Variants in DPP10 observed in about 807,000 individuals in gnomAD.
The protein encoded by DPP10 is inactive dipeptidyl peptidase 10.
DPP10 carries 33 observed loss-of-function variants against 120.9 expected under a neutral mutation model. The observed-to-expected ratio is 0.27, with a 90% CI of 0.21 to 0.37. The LOEUF (loss-of-function observed/expected upper bound fraction) is 0.37, where lower values mean the gene tolerates loss of function less well. Ranked by LOEUF, DPP10 falls within the 10% of genes least tolerant of loss-of-function variation. DPP10 has a pLI of 1.00. For synonymous variants in DPP10, 337 were observed against 326.1 expected (o/e 1.03, Z -0.36); for missense variants, 816 against 942.8 (o/e 0.87, Z 1.76).
chr2:115,412,443 A>C (rs943751504), intron 3 of DPP10, among the ~76,000 whole-genome samples: 2 of 152,248 alleles, frequency 1.3e-5, no homozygotes, highest in African/African-American at 2.4e-5. Context: ...GCAGATATTG[A>C]AGAACAAAAA....
intron 1 of DPP10, among the ~76,000 whole-genome samples, chr2:114,772,775 T>C (rs1681386567): frequency 6.6e-6 from 1 of 152,108 alleles, no homozygotes. Flanking sequence ...TTGTTTCCTT[T>C]CATGATTTTT....
intron 1 of DPP10, among the ~76,000 whole-genome samples, chr2:114,650,223 G>A (rs1402672125): frequency 6.6e-6 from 1 of 152,136 alleles, no homozygotes; most frequent in Non-Finnish European, 1.5e-5. Context: ...GTGAGAACAA[G>A]AAAGGTGGTT....
At chr2:114,642,574 G>A (rs1288166257) in intron 1 of DPP10, among the ~76,000 whole-genome samples, 1 of 151,922 alleles carries the variant, frequency 6.6e-6, no homozygotes, top group African/African-American at 2.4e-5. Context: ...GCTGCTGTAT[G>A]TGCCCCCAGG....
intron 3 of DPP10, among the ~76,000 whole-genome samples, chr2:115,493,800 C>A (rs1021863125): frequency 2.4e-4 from 37 of 152,152 alleles, no homozygotes; most frequent in African/African-American, 8.4e-4. Flanking sequence ...GCAAGGACTG[C>A]AGCTGTACTG....
intron 5 of DPP10, among the ~76,000 whole-genome samples, chr2:115,615,032 T>G (rs532287906): frequency 6.6e-6 from 1 of 152,320 alleles, no homozygotes; most frequent in Non-Finnish European, 1.5e-5. Context: ...AGAGAATCCC[T>G]TTAAAATGAT....
rs543956210 is a variant in DPP10 at position 114,862,280 on chromosome 2, A to T, written c.60+419442A>T. ...ACATACAACTGTCCAAGTGGAAAAA[A>T]AAAAATAAAAAAGGACTGAGCACTC... On this transcript the variant is annotated intron_variant, in intron 1 of 25. Transcript: ENST00000410059. Among the ~76,000 whole-genome samples, 26 of 152,318 alleles carry T rather than the reference A, an allele frequency of 1.7e-4. 2 individuals carry two copies. Among genetic ancestry groups the T allele is most frequent in the African/African-American group, 5.3e-4 (22 of 41,564 alleles).
At chr2:115,048,248 A>G (rs1174496726) in intron 1 of DPP10, among the ~76,000 whole-genome samples, 2 of 151,966 alleles carry the variant, frequency 1.3e-5, no homozygotes, top group African/African-American at 4.8e-5. Context: ...TAGCTCCAGC[A>G]TGCCTACCAG....
intron 1 of DPP10, among the ~76,000 whole-genome samples, chr2:114,789,764 A>G (rs1683086867): frequency 6.6e-6 from 1 of 152,360 alleles, no homozygotes; most frequent in Admixed American, 6.5e-5. Flanking sequence ...GGGAAGTTAA[A>G]TAATGACCCA....
intron 1 of DPP10, among the ~76,000 whole-genome samples, chr2:114,596,542 T>A (rs1386423094): frequency 6.6e-6 from 1 of 152,092 alleles, no homozygotes; most frequent in Admixed American, 6.6e-5. Flanking sequence ...CATGAGTATA[T>A]AATGCATCAT....
intron 1 of DPP10, among the ~76,000 whole-genome samples, chr2:115,169,779 A>C (rs913234128): frequency 6.6e-6 from 1 of 152,208 alleles, no homozygotes; most frequent in African/African-American, 2.4e-5. Flanking sequence ...GCTATGTATT[A>C]TCTAACTTTA....
At chr2:115,235,879 T>C (rs889098689) in intron 1 of DPP10, among the ~76,000 whole-genome samples, 6 of 152,166 alleles carry the variant, frequency 3.9e-5, no homozygotes, top group Admixed American at 6.5e-5. Context: ...TTCTTACAGC[T>C]ATTGCCTCAA....
intron 1 of DPP10, among the ~76,000 whole-genome samples, chr2:114,785,421 A>T (rs946416869): frequency 2.0e-5 from 3 of 151,990 alleles, no homozygotes; most frequent in Non-Finnish European, 2.9e-5. Flanking sequence ...GGAGGCTGAC[A>T]CCTAACTGGA....
chr2:114,808,926 T>C (rs1684962228), intron 1 of DPP10, among the ~76,000 whole-genome samples: 1 of 152,202 alleles, frequency 6.6e-6, no homozygotes, highest in Admixed American at 6.5e-5. Context: ...CATAAAATTA[T>C]CTTTTTTATA....
intron 2 of DPP10, among the ~76,000 whole-genome samples, chr2:115,330,886 T>C (rs577727811): frequency 9.2e-4 from 140 of 152,292 alleles, no homozygotes; most frequent in African/African-American, 3.2e-3. Context: ...TTCTTTTGGC[T>C]TAGGATTGTC....
chr2:114,755,299 G>A (rs1327918711), intron 1 of DPP10, among the ~76,000 whole-genome samples: 1 of 152,106 alleles, frequency 6.6e-6, no homozygotes, highest in Admixed American at 6.5e-5. Context: ...TTTTGTTGCT[G>A]TTGTTATTTT....
chr2:114,568,271 C>A (rs1410478761), intron 1 of DPP10, among the ~76,000 whole-genome samples: 1 of 151,986 alleles, frequency 6.6e-6, no homozygotes, highest in African/African-American at 2.4e-5. Context: ...GGGTATCTAC[C>A]ACTATGAATA....
At chr2:114,593,962 G>C (rs566951145) in intron 1 of DPP10, among the ~76,000 whole-genome samples, 46 of 152,242 alleles carry the variant, frequency 3.0e-4, no homozygotes, top group African/African-American at 1.1e-3. Context: ...AGTCCTCAAT[G>C]TGTCAGGCCT....
intron 5 of DPP10, among the ~76,000 whole-genome samples, chr2:115,606,361 T>G (rs1050759697): frequency 2.0e-5 from 3 of 152,170 alleles, no homozygotes; most frequent in African/African-American, 7.2e-5. Context: ...ACTAAAAGTC[T>G]AGAAGCTAAA....
At chr2:114,666,173 A>G (rs1447200664) in intron 1 of DPP10, among the ~76,000 whole-genome samples, 7 of 152,198 alleles carry the variant, frequency 4.6e-5, no homozygotes, top group Admixed American at 6.5e-5. Flanking sequence ...TTCCTAATGC[A>G]TAGCTCAGTG....
Sources: gnomAD v4.1 joint callset for allele counts (sites outside exome capture counted in the v4.1 genomes callset) on GRCh38, gnomAD v4.1.1 for gene constraint, MANE v1.5 for transcripts, NCBI Gene and HGNC (gene_info 2026-07-23, HGNC 2026-07-21) for gene names.